CLIC2: variants seen among roughly 807,000 people sequenced by gnomAD.
CLIC2 encodes the protein chloride intracellular channel protein 2.
CLIC2 carries 9 observed loss-of-function variants against 14.8 expected under a neutral mutation model. The ratio of observed to expected loss-of-function variants is 0.61; its 90% CI spans 0.37 to 1.06. The LOEUF is 1.06. Ranked by LOEUF, CLIC2 falls within the 50% of genes least tolerant of loss-of-function variation. The pLI is 0.01. For missense variants in CLIC2, 148 were observed against 181.4 expected, an observed-to-expected ratio of 0.82 and a Z score of 1.06; for synonymous variants, 61 against 66.3, an observed-to-expected ratio of 0.92 and a Z score of 0.39.
At position 155,276,275 on chromosome X, in the gene CLIC2, A is replaced by C. The variant is rs1457798239; in HGVS notation, c.*1628T>G. ...GCACATAATTGTACATATATATGGGATACAATGTGGTGTTTCAATGCATGT... is the reference window on the plus strand; with the variant it reads ...GCACATAATTGTACATATATATGGGCTACAATGTGGTGTTTCAATGCATGT... On this transcript the variant is annotated 3_prime_UTR_variant, in exon 6 of 6. Coordinates refer to ENST00000369449, the MANE Select transcript of CLIC2 (RefSeq NM_001289.6). The C allele has an allele frequency of 2.7e-5, 3 of 112,026 alleles. No homozygotes were observed. Among genetic ancestry groups the C allele is most frequent in the Non-Finnish European group, 5.7e-5 (3 of 53,093 alleles). The allele number at this position is 112,026 out of a possible 1,213,427, so 9.2% of individuals were successfully genotyped here.
At chrX:155,284,928 A>G (rs2074936187) in intron 3 of CLIC2, among the ~76,000 whole-genome samples, 1 of 112,081 alleles carries the variant, frequency 8.9e-6, no homozygotes, top group South Asian at 3.7e-4. Flanking sequence ...TGAAATTTAA[A>G]TTTTTTATTC....
intron 1 of CLIC2, among the ~76,000 whole-genome samples, chrX:155,332,203 A>T (rs2075159113): frequency 8.9e-6 from 1 of 112,047 alleles, no homozygotes. Flanking sequence ...GAACACATAG[A>T]TATCGTAGTA....
intron 3 of CLIC2, among the ~76,000 whole-genome samples, chrX:155,294,273 A>G (rs1419475339): frequency 1.8e-5 from 2 of 111,831 alleles, no homozygotes; most frequent in African/African-American, 6.5e-5. Context: ...AACTGCATAA[A>G]TACATAAAAA....
chrX:155,305,141 A>C (rs2075047592), intron 1 of CLIC2, among the ~76,000 whole-genome samples: 2 of 112,043 alleles, frequency 1.8e-5, no homozygotes, highest in South Asian at 3.7e-4. Context: ...TTGTTTACCT[A>C]ATCAAGCCTG....
chrX:155,304,658 T>A (rs1388984762), intron 1 of CLIC2, among the ~76,000 whole-genome samples: 1 of 103,758 alleles, frequency 9.6e-6, no homozygotes, highest in African/African-American at 3.5e-5. Context: ...AGAGGCGCTC[T>A]GCTTTTTAGA....
At chrX:155,310,536 G>A (rs1012357133) in intron 1 of CLIC2, 4 of 181,560 alleles carry the variant, frequency 2.2e-5, no homozygotes, top group African/African-American at 1.2e-4. Context: ...CTCTCTCCTG[G>A]TTGTTTTCAC....
chrX:155,278,948 A>G, intron 5 of CLIC2: 1 of 428,203 alleles, frequency 2.3e-6, no homozygotes, highest in Non-Finnish European at 4.1e-6. Flanking sequence ...AAGAAAAAAA[A>G]AGAAACAAGT....
At chrX:155,332,530 A>C (rs1231715516) in intron 1 of CLIC2, among the ~76,000 whole-genome samples, 5 of 111,995 alleles carry the variant, frequency 4.5e-5, no homozygotes, top group African/African-American at 1.6e-4. Context: ...ATAATATTAG[A>C]CATAGCTATT....
chrX:155,317,100 C>A (rs186450646), intron 1 of CLIC2, among the ~76,000 whole-genome samples: 1 of 111,409 alleles, frequency 9.0e-6, no homozygotes, highest in Non-Finnish European at 1.9e-5. Flanking sequence ...TAAATGCCTA[C>A]ATCAAAAAGT....
chrX:155,310,847 A>G (rs1557320489), intron 1 of CLIC2, among the ~76,000 whole-genome samples: 1 of 112,627 alleles, frequency 8.9e-6, no homozygotes, highest in Non-Finnish European at 1.9e-5. Flanking sequence ...TGTGCACTGC[A>G]GGCTCAACAC....
chrX:155,282,637 A>G (rs1223248719), intron 3 of CLIC2, among the ~76,000 whole-genome samples: 1 of 110,087 alleles, frequency 9.1e-6, no homozygotes, highest in Non-Finnish European at 1.9e-5. Flanking sequence ...ACCAGATCAT[A>G]CCTCCAGGCT....
At chrX:155,282,996 C>T (rs1203736049) in intron 3 of CLIC2, among the ~76,000 whole-genome samples, 1 of 111,605 alleles carries the variant, frequency 9.0e-6, no homozygotes, top group Non-Finnish European at 1.9e-5. Context: ...CATTCAAGCT[C>T]AGGCTTCAGG....
Position 155,277,774 on chromosome X carries a change from G to A in CLIC2, c.*129C>T. On this transcript the variant is annotated 3_prime_UTR_variant, in exon 6 of 6. Coordinates refer to ENST00000369449, the MANE Select transcript of CLIC2 (RefSeq NM_001289.6). ...ATTTATGGCTAATAGAAAATACAGA[G>A]TTCCTTTTCATAAGAGAGTTGGATA... 1.8e-6 allele frequency: 1 copy of A among 563,277 alleles called. No homozygotes were observed. Among genetic ancestry groups the A allele is most frequent in the Admixed American group, 2.9e-5 (1 of 34,239 alleles). The allele number at this position is 563,277 out of a possible 1,213,427, so 46.4% of individuals were successfully genotyped here.
rs1180573655 is a variant in CLIC2, at chrX:155,296,832, T to C, written c.293+1953A>G. Among the ~76,000 whole-genome samples, 6 of 111,261 alleles carry C rather than the reference T, an allele frequency of 5.4e-5. No individual in the cohort carries two copies. The Admixed American group carries it at 5.7e-4, about 11-fold the overall frequency. On this transcript the variant is annotated intron_variant, in intron 3 of 5. Transcript: ENST00000369449. ...AAATTAACAGACGTTGGCAAGGATG[T>C]GGAGAAAAAGGAACTCTTATACACT...
At chrX:155,305,450 A>C (rs1412749840) in intron 1 of CLIC2, among the ~76,000 whole-genome samples, 2 of 111,999 alleles carry the variant, frequency 1.8e-5, no homozygotes, top group Non-Finnish European at 3.8e-5. Flanking sequence ...CGGTGCACGC[A>C]CCCACTGACC....
chrX:155,290,809 C>T, intron 3 of CLIC2: 2 of 629,063 alleles, frequency 3.2e-6, no homozygotes, highest in Non-Finnish European at 5.5e-6. Context: ...TTATTTTTTC[C>T]AAAGCCTGAA....
At chrX:155,314,892 A>G (rs1011242053) in intron 1 of CLIC2, among the ~76,000 whole-genome samples, 1 of 111,600 alleles carries the variant, frequency 9.0e-6, no homozygotes, top group Non-Finnish European at 1.9e-5. Context: ...TGAAATAGAT[A>G]GCATAAATAA....
intron 1 of CLIC2, among the ~76,000 whole-genome samples, chrX:155,314,369 T>C (rs1488628171): frequency 8.9e-6 from 1 of 112,464 alleles, no homozygotes; most frequent in Non-Finnish European, 1.9e-5. Context: ...GGTGCTGGTA[T>C]CCATGGCCAA....
intron 3 of CLIC2, among the ~76,000 whole-genome samples, chrX:155,282,918 C>T (rs2074925453): frequency 9.0e-6 from 1 of 110,919 alleles, no homozygotes; most frequent in Admixed American, 9.6e-5. Context: ...AAACATTCAG[C>T]CTCCAATACA....
Sources: allele counts gnomAD v4.1 joint callset (sites outside exome capture counted in the v4.1 genomes callset), GRCh38; gene constraint gnomAD v4.1.1; transcripts MANE v1.5; gene names NCBI Gene and HGNC (gene_info 2026-07-23, HGNC 2026-07-21).